Variants in SYT14 observed in about 807,000 individuals in gnomAD.
SYT14 encodes synaptotagmin 14.
In SYT14, 32 loss-of-function variants were observed where a neutral mutation model predicts 74.2. That is an observed-to-expected ratio of 0.43 (90% CI 0.33 to 0.58). The LOEUF (loss-of-function observed/expected upper bound fraction) is 0.58, where lower values mean the gene tolerates loss of function less well. SYT14 is among the 20% of genes least tolerant of loss of function. SYT14 has a pLI of 0.05. For synonymous variants in SYT14, 298 were observed against 337.7 expected (o/e 0.88, Z 1.29); for missense variants, 791 against 981.8 (o/e 0.81, Z 2.60).
At chr1:210,043,438 A>AC (rs1468065066) in intron 5 of SYT14, among the ~76,000 whole-genome samples, 1 of 151,766 alleles carries the variant, frequency 6.6e-6, no homozygotes, top group African/African-American at 2.4e-5. Flanking sequence ...TTTACTGAAA[A>AC]AAAAAAGTAA....
At chr1:210,083,035 C>T (rs190764701) in intron 5 of SYT14, among the ~76,000 whole-genome samples, 1 of 151,830 alleles carries the variant, frequency 6.6e-6, no homozygotes, top group East Asian at 1.9e-4. Context: ...AGCTGGAGTG[C>T]AGTGGCATGA....
intron 5 of SYT14, among the ~76,000 whole-genome samples, chr1:210,064,682 T>A (rs1021674897): frequency 6.6e-6 from 1 of 152,086 alleles, no homozygotes; most frequent in Admixed American, 6.6e-5. Context: ...ATTCTTGAGT[T>A]GCTTCTACCT....
intron 5 of SYT14, among the ~76,000 whole-genome samples, chr1:210,025,286 G>GTA (rs1337158759): frequency 6.6e-6 from 1 of 152,178 alleles, no homozygotes; most frequent in Non-Finnish European, 1.5e-5. Context: ...AGTTCTCTTG[G>GTA]TAGGACTTCA....
chr1:210,143,975 G>A (rs950458683), intron 7 of SYT14, among the ~76,000 whole-genome samples: 2 of 152,042 alleles, frequency 1.3e-5, no homozygotes, highest in African/African-American at 2.4e-5. Context: ...TTATAGATGA[G>A]GAAATTGAGT....
At chr1:210,081,801 A>G (rs919881305) in intron 5 of SYT14, among the ~76,000 whole-genome samples, 2 of 152,234 alleles carry the variant, frequency 1.3e-5, no homozygotes, top group African/African-American at 4.8e-5. Flanking sequence ...AGAATAAACA[A>G]TATCATAGTA....
At chr1:209,986,608 G>A (rs114308180) in intron 2 of SYT14, among the ~76,000 whole-genome samples, 4,010 of 148,254 alleles carry the variant, frequency 0.027, 187 homozygotes, top group African/African-American at 0.092. Context: ...ATGAGACTCC[G>A]TCTCAAAAAA....
At chr1:210,052,662 C>A (rs2081020619) in intron 5 of SYT14, among the ~76,000 whole-genome samples, 1 of 29,614 alleles carries the variant, frequency 3.4e-5, no homozygotes. Context: ...AACTACATCT[C>A]ACCAAAAAAA....
chr1:210,152,475 G>A (rs2083184177), intron 7 of SYT14, among the ~76,000 whole-genome samples: 1 of 151,922 alleles, frequency 6.6e-6, no homozygotes, highest in Non-Finnish European at 1.5e-5. Flanking sequence ...TTCAAAGAAA[G>A]TTCTGTATAT....
chr1:209,967,761 G>A (rs2079177974), intron 2 of SYT14, among the ~76,000 whole-genome samples: 1 of 151,802 alleles, frequency 6.6e-6, no homozygotes, highest in African/African-American at 2.4e-5. Flanking sequence ...TTAGGTTTTT[G>A]TTTCATTGAT....
chr1:210,034,325 T>C (rs1278199312), intron 5 of SYT14, among the ~76,000 whole-genome samples: 1 of 151,814 alleles, frequency 6.6e-6, no homozygotes, highest in Non-Finnish European at 1.5e-5. Flanking sequence ...GAGAAAATGT[T>C]CTTTTGTGTA....
At chr1:210,086,376 T>C (rs959849801) in intron 5 of SYT14, among the ~76,000 whole-genome samples, 3 of 152,234 alleles carry the variant, frequency 2.0e-5, no homozygotes, top group African/African-American at 4.8e-5. Flanking sequence ...TATTTATATC[T>C]ATATGGACTC....
At chr1:209,957,996 T>C (rs1412706728) in intron 2 of SYT14, among the ~76,000 whole-genome samples, 2 of 152,148 alleles carry the variant, frequency 1.3e-5, no homozygotes, top group Non-Finnish European at 2.9e-5. Flanking sequence ...TTTGGGGAAA[T>C]CCTTCCTTAA....
intron 5 of SYT14, among the ~76,000 whole-genome samples, chr1:210,043,037 G>A (rs2080823008): frequency 6.6e-6 from 1 of 152,084 alleles, no homozygotes. Context: ...CTTGAGTAGT[G>A]GTTTGTAGTT....
chr1:210,029,701 C>G (rs2080487320), intron 5 of SYT14, among the ~76,000 whole-genome samples: 1 of 152,090 alleles, frequency 6.6e-6, no homozygotes, highest in African/African-American at 2.4e-5. Context: ...TTTGAGTCCT[C>G]CAGCTATGTT....
intron 1 of SYT14, among the ~76,000 whole-genome samples, chr1:209,949,518 A>AGCT (rs2078877603): frequency 6.6e-6 from 1 of 150,692 alleles, no homozygotes; most frequent in Non-Finnish European, 1.5e-5. Flanking sequence ...GGTTGCAGTG[A>AGCT]GCTGAGATTG....
chr1:210,071,836 A>T (rs1421541411), intron 5 of SYT14, among the ~76,000 whole-genome samples: 1 of 151,996 alleles, frequency 6.6e-6, no homozygotes, highest in Non-Finnish European at 1.5e-5. Context: ...GTTAACACTT[A>T]ACCTTGAACA....
chr1:210,151,256 G>A (rs1392493911), intron 7 of SYT14, among the ~76,000 whole-genome samples: 2 of 152,186 alleles, frequency 1.3e-5, no homozygotes, highest in African/African-American at 4.8e-5. Flanking sequence ...GCAAGCCCCA[G>A]TTATAAATTA....
chr1:209,962,475 T>A (rs1438567264), intron 2 of SYT14, among the ~76,000 whole-genome samples: 1 of 152,060 alleles, frequency 6.6e-6, no homozygotes, highest in African/African-American at 2.4e-5. Context: ...TTAGCTACTA[T>A]GATTAACATG....
At chr1:210,162,297 T>C (rs1213461951) in exon 10 of SYT14, 8 of 442,534 alleles carry the variant, frequency 1.8e-5, no homozygotes, top group Non-Finnish European at 3.1e-5. Context: ...AATTAAGCCT[T>C]CGATTTTTAT....
Sources: gnomAD v4.1 joint callset for allele counts (sites outside exome capture counted in the v4.1 genomes callset) on GRCh38, gnomAD v4.1.1 for gene constraint, MANE v1.5 for transcripts, NCBI Gene and HGNC (gene_info 2026-07-23, HGNC 2026-07-21) for gene names.